CD5: variants seen among roughly 807,000 people sequenced by gnomAD.
CD5 encodes the protein T-cell surface glycoprotein CD5.
CD5 carries 36 observed loss-of-function variants against 60.3 expected under a neutral mutation model. That is an observed-to-expected ratio of 0.60 (90% confidence interval 0.46 to 0.79). The LOEUF is 0.79. Among genes scored for constraint, CD5 ranks in the 30% least tolerant of loss-of-function variants. The pLI is 0.00. For synonymous variants in CD5, 230 were observed against 257.6 expected, an observed-to-expected ratio of 0.89 and a Z score of 1.03; for missense variants, 540 against 630.6, an observed-to-expected ratio of 0.86 and a Z score of 1.54.
chr11:61,115,623 C>T (rs933596523), intron 2 of CD5, among the ~76,000 whole-genome samples: 1 of 152,204 alleles, frequency 6.6e-6, no homozygotes, highest in African/African-American at 2.4e-5. Context: ...CAGTGTACAC[C>T]GGCCCAGTAA....
At chr11:61,116,672 A>C (rs1860962858) in intron 2 of CD5, among the ~76,000 whole-genome samples, 1 of 137,436 alleles carries the variant, frequency 7.3e-6, no homozygotes, top group Non-Finnish European at 1.6e-5. Flanking sequence ...CACACCACAC[A>C]CACACACTAC....
rs925462898 is a variant in CD5 at position 61,118,591 on chromosome 11, G to T, written c.400+111G>T. 21 of 1,141,826 alleles carry T rather than the reference G, an allele frequency of 1.8e-5. No homozygotes were observed. The highest frequency in any genetic ancestry group is 6.7e-5 in the Admixed American group (3 of 44,954). 70.7% of individuals were successfully genotyped at this position (1,141,826 alleles called of 1,614,324 possible). On this transcript the variant is annotated intron_variant, in intron 3 of 10. Transcript: ENST00000347785. This position sits in a 1 kb window ranked among gnomAD's most constrained non-coding sequence, Gnocchi z 4.7. ...AGCAGGCTGGTGGAAGGGGTGGGGG[G>T]ACCCCAGTTTATAACCACTCCCCAA... is the stretch of plus-strand genomic sequence containing the variant.
At position 61,121,654 on chromosome 11, in the gene CD5, C is replaced by T. The variant is rs746105555; in HGVS notation, c.849C>T (p.Ser283=). 1 of 1,553,092 alleles carries T rather than the reference C, an allele frequency of 6.4e-7. No homozygotes were observed. Among genetic ancestry groups the T allele is most frequent in the East Asian group, 2.3e-5 (1 of 43,232 alleles). The change falls in exon 6 of 11, where the codon AGC becomes AGT. Residue 283 remains serine (S), a synonymous_variant. Transcript: ENST00000347785. The part of the protein sequence containing the change: ...KVQSRLVGGS[S]ICEGTVEVRQ... ...AGAGCCGTCTGGTGGGGGGCAGCAG[C>T]ATCTGTGAAGGCACCGTGGAGGTGC...
rs773377395 is a variant in CD5 at position 61,123,938 on chromosome 11, G to A, written c.1279+1G>A. Reference sequence around the variant, plus strand: ...GGCCCAACGGGAATGAACCAAAACAGTAAGTGTCCCCGGAGGCAGGAGCCT... The same window carrying A: ...GGCCCAACGGGAATGAACCAAAACAATAAGTGTCCCCGGAGGCAGGAGCCT... On this transcript the variant is annotated splice_donor_variant, in intron 8 of 10. Coordinates refer to ENST00000347785, the MANE Select transcript of CD5 (RefSeq NM_014207.4). LOFTEE classifies it high-confidence loss of function. The A allele has an allele frequency of 2.5e-6, 4 of 1,612,732 alleles. No homozygotes were observed. In the South Asian group the frequency reaches 3.3e-5, roughly 13 times the overall value.
At chr11:61,114,258 T>A (rs1860902488) in intron 1 of CD5, among the ~76,000 whole-genome samples, 1 of 152,098 alleles carries the variant, frequency 6.6e-6, no homozygotes, top group South Asian at 2.1e-4. Flanking sequence ...ATTGCAGTCA[T>A]AAGCCACCGT....
At chr11:61,099,456 T>C (rs370559816), upstream of CD5, among the ~76,000 whole-genome samples, 22 of 30,526 alleles carry the variant, frequency 7.2e-4, no homozygotes, top group East Asian at 0.011. Context: ...ACATGGAGAT[T>C]ACACATACAT....
upstream of CD5, among the ~76,000 whole-genome samples, chr11:61,101,704 TG>T (rs1295380712): frequency 9.8e-5 from 14 of 142,402 alleles, no homozygotes; most frequent in African/African-American, 3.5e-4. Flanking sequence ...CACATCAACA[TG>T]GAGATCACAC....
intron 5 of CD5, 89 bp from the exon 6 acceptor site, chr11:61,121,522 C>A: frequency 8.5e-7 from 1 of 1,175,694 alleles, no homozygotes; most frequent in East Asian, 2.7e-5. Flanking sequence ...GCCAGGGCCC[C>A]GATTTGCCAG....
intron 4 of CD5, 108 bp from the exon 5 acceptor site, chr11:61,119,126 C>A: frequency 1.6e-6 from 2 of 1,218,650 alleles, no homozygotes; most frequent in Non-Finnish European, 2.3e-6. Context: ...CCTCCCAAGG[C>A]TAAGCGTTAG....
upstream of CD5, among the ~76,000 whole-genome samples, chr11:61,099,333 A>G (rs1231902840): frequency 4.0e-4 from 61 of 152,104 alleles, no homozygotes; most frequent in Non-Finnish European, 8.1e-4. Context: ...CCCACAACAC[A>G]GAGATCACAC....
At chr11:61,109,546 T>A (rs958741245) in intron 1 of CD5, among the ~76,000 whole-genome samples, 3 of 151,878 alleles carry the variant, frequency 2.0e-5, no homozygotes. Flanking sequence ...GCTCAAAAAA[T>A]TTTTAAACAC....
At chr11:61,095,607 CA>C in the CD5 span, among the ~76,000 whole-genome samples, 2 of 152,118 alleles carry the variant, frequency 1.3e-5, no homozygotes, top group African/African-American at 4.8e-5. Context: ...AGCCAATTAC[CA>C]AAACCCCCAA....
the CD5 span, among the ~76,000 whole-genome samples, chr11:61,096,672 T>G: frequency 6.6e-6 from 1 of 152,178 alleles, no homozygotes; most frequent in Non-Finnish European, 1.5e-5. Context: ...ACAGCTAAAG[T>G]TACCAGCAAC....
chr11:61,097,959 G>T (rs191280499), upstream of CD5, among the ~76,000 whole-genome samples: 1 of 152,186 alleles, frequency 6.6e-6, no homozygotes, highest in Non-Finnish European at 1.5e-5. Context: ...ATTGGCTCTC[G>T]ACTACTTGCT....
In CD5 at chr11:61,121,669, C is replaced by T. The variant is rs200479488; in HGVS notation, c.864C>T (p.Thr288=). 1.3e-5 allele frequency: 21 copies of T among 1,578,704 alleles called. No homozygotes were observed. The highest frequency in any genetic ancestry group is 1.7e-5 in the Non-Finnish European group (20 of 1,157,582). ...GGGGCAGCAGCATCTGTGAAGGCAC[C>T]GTGGAGGTGCGCCAGGGGGCTCAGT... is the stretch of plus-strand genomic sequence containing the variant. ...LVGGSSICEG[T]VEVRQGAQWA... is the part of the protein sequence containing the mutation. Residue 288 remains threonine (T), a synonymous_variant, in exon 6 of 11, where the codon ACC becomes ACT. Coordinates refer to ENST00000347785, the MANE Select transcript of CD5 (RefSeq NM_014207.4).
chr11:61,111,980 A>G (rs1860862318), intron 1 of CD5, among the ~76,000 whole-genome samples: 1 of 152,256 alleles, frequency 6.6e-6, no homozygotes. Flanking sequence ...GCACAGAGAC[A>G]GGACAGACGT....
chr11:61,104,492 G>A (rs1860751138), intron 1 of CD5, among the ~76,000 whole-genome samples: 1 of 152,102 alleles, frequency 6.6e-6, no homozygotes, highest in Non-Finnish European at 1.5e-5. Context: ...CCTGCTCTAG[G>A]GCCCTCCCAA....
chr11:61,111,772 G>A (rs749349177), intron 1 of CD5, among the ~76,000 whole-genome samples: 5 of 152,182 alleles, frequency 3.3e-5, no homozygotes, highest in Admixed American at 6.5e-5. Context: ...AAAGCTCCCC[G>A]AGGGTCTGCT....
upstream of CD5, among the ~76,000 whole-genome samples, chr11:61,099,258 A>G (rs984738738): frequency 6.6e-6 from 1 of 152,068 alleles, no homozygotes; most frequent in Admixed American, 6.5e-5. Flanking sequence ...TCACACACAC[A>G]TATCGAATGG....
Sources: gnomAD v4.1 joint callset for allele counts (sites outside exome capture counted in the v4.1 genomes callset) on GRCh38, gnomAD v4.1.1 for gene constraint, Gnocchi (gnomAD v3.1) non-coding constraint, MANE v1.5 for transcripts, NCBI Gene and HGNC (gene_info 2026-07-23, HGNC 2026-07-21) for gene names.